The following COLEC11 variants were observed in gnomAD, a reference collection of about 807,000 sequenced individuals.
COLEC11 encodes the protein collectin-11.
Under a neutral mutation model 27.3 loss-of-function variants are expected in COLEC11, and 20 were observed. That is an observed-to-expected ratio of 0.73 (90% CI 0.51 to 1.06). COLEC11 has a LOEUF of 1.06. Ranked by LOEUF, COLEC11 falls within the 50% of genes least tolerant of loss-of-function variation. The probability of loss-of-function intolerance (pLI) is 0.00; values close to 1 mark genes in which losing one functional copy is unlikely to be tolerated. For synonymous variants in COLEC11, 163 were observed against 154.7 expected (o/e 1.05, Z -0.40); for missense variants, 310 against 383.0 (o/e 0.81, Z 1.59).
At chr2:3,641,107 G>A (rs1572479220) in intron 5 of COLEC11, 4 of 520,364 alleles carry the variant, frequency 7.7e-6, no homozygotes, top group Non-Finnish European at 1.4e-5. Flanking sequence ...ACCCCACGGT[G>A]GACACCCACC....
chr2:3,613,650 T>G (rs1663415797), intron 3 of COLEC11, among the ~76,000 whole-genome samples: 1 of 152,204 alleles, frequency 6.6e-6, no homozygotes, highest in Non-Finnish European at 1.5e-5. Context: ...TTAAGCCTCA[T>G]CTGTAAGACG....
rs150424693 is a variant in COLEC11, at chr2:3,608,406, T to A, written c.130+3936T>A. On this transcript the variant is annotated intron_variant, in intron 2 of 6. Transcript: ENST00000349077. ...AAAATGTCATTGTGCTCGCTGGGTCTACATTACAAAATGCATGGAGTGTTG... is the reference window on the plus strand; with the variant it reads ...AAAATGTCATTGTGCTCGCTGGGTCAACATTACAAAATGCATGGAGTGTTG... 9.2e-4 allele frequency among the ~76,000 whole-genome samples: 140 copies of A among 152,200 alleles called. 1 individual carries two copies. The highest frequency in any genetic ancestry group is 2.2e-3 in the Admixed American group (34 of 15,266).
intron 2 of COLEC11, chr2:3,604,873 T>C (rs990504976): frequency 8.0e-6 from 3 of 375,226 alleles, no homozygotes; most frequent in African/African-American, 4.3e-5. Context: ...AGTGTGCTTC[T>C]ACATTGCTTC....
chr2:3,608,558 C>G (rs970944818), intron 2 of COLEC11, among the ~76,000 whole-genome samples: 2 of 152,144 alleles, frequency 1.3e-5, no homozygotes, highest in Non-Finnish European at 2.9e-5. Flanking sequence ...TGCAGTGGGT[C>G]ACGCCTGTGA....
chr2:3,612,602 T>C (rs988736111), intron 2 of COLEC11, among the ~76,000 whole-genome samples: 2 of 152,122 alleles, frequency 1.3e-5, no homozygotes, highest in Middle Eastern at 3.2e-3. Flanking sequence ...AGGACAGTCA[T>C]TTTGGTGTGG....
intron 3 of COLEC11, among the ~76,000 whole-genome samples, chr2:3,616,474 G>A (rs1451892263): frequency 6.6e-6 from 1 of 152,228 alleles, no homozygotes; most frequent in Non-Finnish European, 1.5e-5. Context: ...GCAACATTGA[G>A]CACTGAGTGA....
At chr2:3,640,879 G>A (rs574734113) in intron 5 of COLEC11, among the ~76,000 whole-genome samples, 1 of 19,168 alleles carries the variant, frequency 5.2e-5, no homozygotes, top group African/African-American at 3.1e-4. Context: ...ACCCACCCCC[G>A]TCACATCCCA....
At chr2:3,613,719 C>T (rs575394313) in intron 3 of COLEC11, among the ~76,000 whole-genome samples, 5 of 152,248 alleles carry the variant, frequency 3.3e-5, no homozygotes, top group Admixed American at 6.5e-5. Flanking sequence ...GTTATGAAGG[C>T]GGCGTGGCAG....
chr2:3,633,941 A>G (rs551086784), intron 3 of COLEC11, among the ~76,000 whole-genome samples: 1 of 152,328 alleles, frequency 6.6e-6, no homozygotes, highest in African/African-American at 2.4e-5. Context: ...TTCAGGGAAT[A>G]TCAGCTTTTC....
intron 3 of COLEC11, among the ~76,000 whole-genome samples, chr2:3,623,904 C>T (rs1050359032): frequency 6.6e-6 from 1 of 152,126 alleles, no homozygotes; most frequent in African/African-American, 2.4e-5. Flanking sequence ...TCTTGCATTG[C>T]TGTTTTCTCA....
intron 2 of COLEC11, among the ~76,000 whole-genome samples, chr2:3,611,745 T>C (rs1663211465): frequency 1.3e-5 from 2 of 152,016 alleles, no homozygotes. Flanking sequence ...ATCGCTGTGC[T>C]TTTCTCTTTG....
At chr2:3,599,644 G>C (rs1662081357) in intron 1 of COLEC11, among the ~76,000 whole-genome samples, 1 of 152,212 alleles carries the variant, frequency 6.6e-6, no homozygotes, top group Non-Finnish European at 1.5e-5. Context: ...CAAGGTGCTG[G>C]TAAGTGGTTC....
rs147362981 is a variant in COLEC11 at position 3,604,368 on chromosome 2, G to C, written c.28G>C (p.Val10Leu). 2 of 1,614,222 alleles carry C rather than the reference G, an allele frequency of 1.2e-6. No homozygotes were observed. Among genetic ancestry groups the C allele is most frequent in the South Asian group, 2.2e-5 (2 of 91,090 alleles). Residue 10 changes from valine to leucine, a missense_variant, in exon 2 of 7, where the codon GTT becomes CTT. By Grantham distance (32) the Val-to-Leu change is conservative. Coordinates refer to ENST00000349077, the MANE Select transcript of COLEC11 (RefSeq NM_024027.5). MRGNLALVG[V>L]LISLAFLSLL... Reference sequence around the variant, plus strand: ...GAGGGGGAATCTGGCCCTGGTGGGCGTTCTAATCAGCCTGGCCTTCCTGTC... The same window carrying C: ...GAGGGGGAATCTGGCCCTGGTGGGCCTTCTAATCAGCCTGGCCTTCCTGTC...
intron 3 of COLEC11, 148 bp from the exon 4 acceptor site, chr2:3,637,385 A>AAG (rs1469131565): frequency 9.8e-6 from 7 of 715,766 alleles, no homozygotes; most frequent in Non-Finnish European, 1.8e-5. Context: ...CGTGACCTTG[A>AAG]AGAGATGTAG....
intron 2 of COLEC11, chr2:3,606,215 C>G: frequency 6.4e-7 from 1 of 1,550,524 alleles, no homozygotes; most frequent in Non-Finnish European, 8.7e-7. Flanking sequence ...CTCCGAGTCC[C>G]TACGGTTGTC....
intron 2 of COLEC11, chr2:3,606,046 C>T (rs1662666409): frequency 4.5e-6 from 7 of 1,545,546 alleles, no homozygotes; most frequent in East Asian, 2.5e-5. Context: ...ATGCCTACGG[C>T]TCTCTCAGAA....
chr2:3,632,431 T>G (rs1665084605), intron 3 of COLEC11, among the ~76,000 whole-genome samples: 1 of 152,204 alleles, frequency 6.6e-6, no homozygotes, highest in Admixed American at 6.5e-5. Context: ...CCGGCAGGGC[T>G]GCTGCTCCTG....
chr2:3,607,623 A>G (rs992434393), intron 2 of COLEC11, among the ~76,000 whole-genome samples: 6 of 151,664 alleles, frequency 4.0e-5, no homozygotes, highest in Non-Finnish European at 7.4e-5. Flanking sequence ...TAATTTTTGT[A>G]TTTTTAGTAG....
At chr2:3,607,077 C>A (rs571932762) in intron 2 of COLEC11, among the ~76,000 whole-genome samples, 5 of 152,268 alleles carry the variant, frequency 3.3e-5, no homozygotes, top group South Asian at 4.2e-4. Flanking sequence ...CGCCGCCCCC[C>A]CAACCCCCAC....
Sources: allele counts gnomAD v4.1 joint callset (sites outside exome capture counted in the v4.1 genomes callset), GRCh38; gene constraint gnomAD v4.1.1; transcripts MANE v1.5; gene names NCBI Gene and HGNC (gene_info 2026-07-23, HGNC 2026-07-21).